Variants in ANAPC10 observed in about 807,000 individuals in gnomAD.
ANAPC10 encodes anaphase promoting complex subunit 10.
In ANAPC10, 12 loss-of-function variants were observed where a neutral mutation model predicts 22.0. That is an observed-to-expected ratio of 0.55 (90% CI 0.35 to 0.88). The LOEUF (loss-of-function observed/expected upper bound fraction) is 0.88, where lower values mean the gene tolerates loss of function less well. Ranked by LOEUF, ANAPC10 falls within the 40% of genes least tolerant of loss-of-function variation. The pLI is 0.01. For missense variants in ANAPC10, 188 were observed against 220.9 expected, an observed-to-expected ratio of 0.85 and a Z score of 0.94; for synonymous variants, 65 against 69.5, an observed-to-expected ratio of 0.94 and a Z score of 0.32.
intron 2 of ANAPC10, among the ~76,000 whole-genome samples, chr4:145,082,210 C>T (rs539998985): frequency 1.3e-5 from 2 of 152,344 alleles, no homozygotes; most frequent in African/African-American, 4.8e-5. Flanking sequence ...AGTGCAATGG[C>T]ACAATCTCGG....
chr4:145,087,855 TG>T (rs538837741), intron 2 of ANAPC10, among the ~76,000 whole-genome samples: 104 of 152,264 alleles, frequency 6.8e-4, no homozygotes, highest in African/African-American at 2.5e-3. Context: ...GAGATCAGCC[TG>T]GCCAACATGG....
intron 4 of ANAPC10, among the ~76,000 whole-genome samples, chr4:145,028,337 G>A (rs1020330274): frequency 1.3e-5 from 2 of 152,130 alleles, no homozygotes; most frequent in Admixed American, 1.3e-4. Context: ...CATGATGGAT[G>A]CTTCCTGCCT....
rs188220003 is a variant in ANAPC10 at position 145,075,502 on chromosome 4, G to A, written c.206+6158C>T. ...CACCGAGAAACCAGACCATCAAGAA[G>A]ACAAGCATACTTTAAGCAGACTGTC... On this transcript the variant is annotated intron_variant, in intron 3 of 4. Coordinates refer to ENST00000507656, the MANE Select transcript of ANAPC10 (RefSeq NM_001256706.2). Among the ~76,000 whole-genome samples, 6 of 151,960 alleles carry A rather than the reference G, an allele frequency of 3.9e-5. No individual in the cohort carries two copies. The East Asian group carries it at 1.2e-3, about 29-fold the overall frequency.
In ANAPC10 at chr4:145,064,700, C is replaced by T; in HGVS notation, c.207-8G>A. The T allele has an allele frequency of 6.7e-7, 1 of 1,493,552 alleles. No homozygotes were observed. Among genetic ancestry groups the T allele is most frequent in the South Asian group, 1.5e-5 (1 of 67,612 alleles). 92.5% of individuals were successfully genotyped at this position (1,493,552 alleles called of 1,614,324 possible). A position where few individuals can be genotyped will look rare whatever the true frequency, so the allele number is the denominator to read the frequency against. ...TTCACTGTTGTTTTTCTTCTAAAAG[C>T]AATAAAGTAAAAATAACATGCACTT... On this transcript the variant is annotated splice_region_variant and splice_polypyrimidine_tract_variant and intron_variant, in intron 3 of 4. Transcript: ENST00000507656.
At chr4:145,047,381 C>T (rs1032172251) in intron 4 of ANAPC10, among the ~76,000 whole-genome samples, 3 of 152,094 alleles carry the variant, frequency 2.0e-5, no homozygotes, top group Non-Finnish European at 4.4e-5. Flanking sequence ...ACTCTGCGTT[C>T]AATGGCGAGT....
At position 145,036,995 on chromosome 4, in the gene ANAPC10, C is replaced by CGTGTGTGTGTGT. The variant is rs202100756; in HGVS notation, c.327+27565_327+27576dup. 2.5e-3 allele frequency among the ~76,000 whole-genome samples: 331 copies of CGTGTGTGTGTGT among 131,224 alleles called. 6 individuals are homozygous for CGTGTGTGTGTGT. The highest frequency in any genetic ancestry group is 8.3e-3 in the African/African-American group (288 of 34,552). The allele number at this position is 131,224 out of a possible 152,430, so 86.1% of individuals were successfully genotyped here. ...TCTATTTCTTATACCAAATAGATAA[C>CGTGTGTGTGTGT]GTGTGTGTGTGTGTGTGTGTGTGTG... is the stretch of plus-strand genomic sequence containing the variant. On this transcript the variant is annotated intron_variant, in intron 4 of 4. Coordinates refer to ENST00000507656, the MANE Select transcript of ANAPC10 (RefSeq NM_001256706.2).
At chr4:145,065,219 T>C (rs1373009691) in intron 3 of ANAPC10, among the ~76,000 whole-genome samples, 1 of 151,980 alleles carries the variant, frequency 6.6e-6, no homozygotes, top group Admixed American at 6.6e-5. Flanking sequence ...TTTCTTTCTT[T>C]CTTTCTTTTG....
intron 4 of ANAPC10, among the ~76,000 whole-genome samples, chr4:145,056,709 C>T (rs985588113): frequency 2.0e-5 from 3 of 152,138 alleles, no homozygotes; most frequent in African/African-American, 7.2e-5. Context: ...AATTAAATGC[C>T]TACTGTTTCA....
chr4:145,017,718 C>T (rs1319958941), intron 4 of ANAPC10, among the ~76,000 whole-genome samples: 5 of 152,070 alleles, frequency 3.3e-5, no homozygotes, highest in Admixed American at 2.0e-4. Flanking sequence ...TTGGAACCAA[C>T]CCAAATTGTC....
At chr4:145,032,034 A>G (rs1377606850) in intron 4 of ANAPC10, among the ~76,000 whole-genome samples, 1 of 152,192 alleles carries the variant, frequency 6.6e-6, no homozygotes, top group Non-Finnish European at 1.5e-5. Flanking sequence ...AAGTGGCTCG[A>G]ATGCCCATGT....
chr4:144,995,293 T>C lies in ANAPC10; in HGVS notation c.*80A>G, dbSNP rs997846505. The C allele has an allele frequency of 2.4e-6, 2 of 838,934 alleles. No homozygotes were observed. Among genetic ancestry groups the C allele is most frequent in the African/African-American group, 3.4e-5 (2 of 58,266 alleles). 52.0% of individuals were successfully genotyped at this position (838,934 alleles called of 1,614,324 possible). A position where few individuals can be genotyped will look rare whatever the true frequency, so the allele number is the denominator to read the frequency against. ...AAAATTAGATATAACGGATGCCTTG[T>C]TCAATAAAGGTACATGATATATTAT... On this transcript the variant is annotated 3_prime_UTR_variant, in exon 5 of 5. Transcript: ENST00000507656.
intron 4 of ANAPC10, among the ~76,000 whole-genome samples, chr4:145,002,009 A>T (rs35861091): frequency 0.017 from 2,560 of 152,316 alleles, 86 homozygotes; most frequent in African/African-American, 0.057. Context: ...GGAAAATAAA[A>T]GAAGGAAGGA....
intron 4 of ANAPC10, among the ~76,000 whole-genome samples, chr4:145,037,946 CAAAAA>C (rs36071811): frequency 4.2e-5 from 3 of 71,638 alleles, no homozygotes; most frequent in African/African-American, 9.1e-5. Flanking sequence ...AACCCTGTCT[CAAAAA>C]AAAAAAAAAA....
intron 3 of ANAPC10, among the ~76,000 whole-genome samples, chr4:145,074,981 G>C (rs1286533637): frequency 6.6e-6 from 1 of 151,970 alleles, no homozygotes; most frequent in East Asian, 1.9e-4. Context: ...GCAGACCATA[G>C]GTTCCAAATT....
intron 4 of ANAPC10, among the ~76,000 whole-genome samples, chr4:145,016,646 G>A (rs1306792720): frequency 6.6e-6 from 1 of 152,014 alleles, no homozygotes; most frequent in Non-Finnish European, 1.5e-5. Context: ...GAACCAAAAG[G>A]GAGTCCACAT....
intron 3 of ANAPC10, among the ~76,000 whole-genome samples, chr4:145,079,242 T>C (rs1041783184): frequency 1.3e-5 from 2 of 152,042 alleles, no homozygotes; most frequent in African/African-American, 4.8e-5. Flanking sequence ...TCCTCAAAAG[T>C]AGACATACAG....
intron 1 of ANAPC10, chr4:145,097,532 C>A: frequency 7.8e-7 from 1 of 1,287,206 alleles, no homozygotes; most frequent in South Asian, 1.2e-5. Context: ...CGAAGTTGTT[C>A]TTTAATCGGC....
intron 1 of ANAPC10, chr4:145,097,377 G>GA: frequency 1.2e-6 from 1 of 821,630 alleles, no homozygotes; most frequent in South Asian, 1.4e-5. Context: ...ATTCATATGT[G>GA]AAAAAACACT....
intron 4 of ANAPC10, among the ~76,000 whole-genome samples, chr4:145,054,742 G>A (rs1741790365): frequency 6.6e-6 from 1 of 151,374 alleles, no homozygotes; most frequent in African/African-American, 2.4e-5. Context: ...ATGGAACTCA[G>A]GAAAAAGTGG....
Sources: gnomAD v4.1 joint callset for allele counts (sites outside exome capture counted in the v4.1 genomes callset) on GRCh38, gnomAD v4.1.1 for gene constraint, MANE v1.5 for transcripts, NCBI Gene and HGNC (gene_info 2026-07-23, HGNC 2026-07-21) for gene names.